Variants in RFTN1 observed in about 807,000 individuals in gnomAD.
RFTN1 encodes the protein raftlin.
A neutral mutation model predicts 46.5 loss-of-function variants in RFTN1; 26 were observed. The observed-to-expected ratio is 0.56, with a 90% CI of 0.41 to 0.78. The LOEUF (loss-of-function observed/expected upper bound fraction) is 0.78, where lower values mean the gene tolerates loss of function less well. Among genes scored for constraint, RFTN1 ranks in the 30% least tolerant of loss-of-function variants. The pLI is 0.00. For synonymous variants in RFTN1, 261 were observed against 284.2 expected (o/e 0.92, Z 0.82); for missense variants, 693 against 718.7 (o/e 0.96, Z 0.41).
In RFTN1 at chr3:16,361,767, A is replaced by G. The variant is rs1005244995; in HGVS notation, c.1031-3720T>C. Among the ~76,000 whole-genome samples, 3 of 152,178 alleles carry G rather than the reference A, an allele frequency of 2.0e-5. No homozygotes were observed. Among genetic ancestry groups the G allele is most frequent in the African/African-American group, 7.2e-5 (3 of 41,426 alleles). Reference sequence around the variant, plus strand: ...ATATTAGCAGGTGTAATGCAAGCAGAGACATAAAAAGCACGTGTGTGGTTG... The same window carrying G: ...ATATTAGCAGGTGTAATGCAAGCAGGGACATAAAAAGCACGTGTGTGGTTG... On this transcript the variant is annotated intron_variant, in intron 6 of 9. Transcript: ENST00000334133. This position sits in a 1 kb window ranked among gnomAD's most constrained non-coding sequence, Gnocchi z 4.3.
intron 4 of RFTN1, among the ~76,000 whole-genome samples, chr3:16,391,882 G>GTTTTTTTTTTTTTTTTTT (rs1295347779): frequency 4.3e-5 from 1 of 23,448 alleles, no homozygotes. Context: ...TTTTTTTTTT[G>GTTTTTTTTTTTTTTTTTT]TTTTTTTTTT....
At position 16,317,064 on chromosome 3, in the gene RFTN1, C is replaced by A. The variant is rs766684268; in HGVS notation, c.1501G>T (p.Glu501Ter). The part of the protein sequence containing the change: ...MGNCVSGQQQ[E>*]GGVSEEMKGP... ...TTCATCTCCTCGGAGACTCCACCCT[C>A]CTGCTGCTGTCCTGAAACACAGTTT... Residue 501 changes from glutamate (E) to a stop codon, truncating the protein, a stop_gained, in exon 10 of 10, where the codon GAG becomes TAG. Coordinates refer to ENST00000334133, the MANE Select transcript of RFTN1 (RefSeq NM_015150.2). LOFTEE classifies it low-confidence loss of function (END_TRUNC). This position sits in a 1 kb window ranked among gnomAD's most constrained non-coding sequence, Gnocchi z 4.3. 1.2e-6 allele frequency: 2 copies of A among 1,613,892 alleles called. No individual in the cohort carries two copies. The highest frequency in any genetic ancestry group is 1.7e-6 in the Non-Finnish European group (2 of 1,179,996).
chr3:16,403,005 G>C (rs1372010642), intron 4 of RFTN1, among the ~76,000 whole-genome samples: 1 of 152,202 alleles, frequency 6.6e-6, no homozygotes, highest in East Asian at 1.9e-4. Context: ...ATCTGGACAA[G>C]GGCAGGGAGC....
chr3:16,422,592 C>T lies in RFTN1; in HGVS notation c.332+11259G>A, dbSNP rs2075207765. ...GTTGCAGTGAGCCGAGATTGTGCCACTGCACTCCAGCCTGGTGACAAAGCG... is the reference window on the plus strand; with the variant it reads ...GTTGCAGTGAGCCGAGATTGTGCCATTGCACTCCAGCCTGGTGACAAAGCG... On this transcript the variant is annotated intron_variant, in intron 3 of 9. Coordinates refer to ENST00000334133, the MANE Select transcript of RFTN1 (RefSeq NM_015150.2). This position sits in a 1 kb window ranked among gnomAD's most constrained non-coding sequence, Gnocchi z 4.6. 6.6e-6 allele frequency among the ~76,000 whole-genome samples: 1 copy of T among 151,760 alleles called. No homozygotes were observed. Among genetic ancestry groups the T allele is most frequent in the African/African-American group, 2.4e-5 (1 of 41,362 alleles).
chr3:16,454,057 G>A (rs1222523350), intron 2 of RFTN1, among the ~76,000 whole-genome samples: 23 of 152,178 alleles, frequency 1.5e-4, no homozygotes, highest in Non-Finnish European at 2.2e-4. Context: ...ACCTCTACAA[G>A]GAGTATGAGC....
rs2072181472 is a variant in RFTN1, at chr3:16,352,689, A to G, written c.1146+5243T>C. Among the ~76,000 whole-genome samples the G allele has an allele frequency of 6.6e-6, 1 of 152,230 alleles. No individual in the cohort carries two copies. Among genetic ancestry groups the G allele is most frequent in the Non-Finnish European group, 1.5e-5 (1 of 68,044 alleles). ...CCAGGTGACTGACACAGAAAGCAGTATGTAGTGAGGGCTTACTATGTGCCC... is the reference window on the plus strand; with the variant it reads ...CCAGGTGACTGACACAGAAAGCAGTGTGTAGTGAGGGCTTACTATGTGCCC... On this transcript the variant is annotated intron_variant, in intron 7 of 9. Coordinates refer to ENST00000334133, the MANE Select transcript of RFTN1 (RefSeq NM_015150.2). This position sits in a 1 kb window ranked among gnomAD's most constrained non-coding sequence, Gnocchi z 4.6.
chr3:16,412,456 C>A (rs1334806302), intron 3 of RFTN1, among the ~76,000 whole-genome samples: 1 of 152,176 alleles, frequency 6.6e-6, no homozygotes. Flanking sequence ...GCCACTAATC[C>A]TATGAAAAAC....
chr3:16,375,526 G>A (rs1291538525), intron 5 of RFTN1, among the ~76,000 whole-genome samples: 1 of 152,024 alleles, frequency 6.6e-6, no homozygotes, highest in African/African-American at 2.4e-5. Context: ...CGTGACCACT[G>A]AAAGGCTTAT....
At chr3:16,497,134 C>A (rs2076638270) in intron 1 of RFTN1, among the ~76,000 whole-genome samples, 1 of 152,164 alleles carries the variant, frequency 6.6e-6, no homozygotes, top group Non-Finnish European at 1.5e-5. Context: ...GTTTCTTGAT[C>A]TGGGTGTCAG....
intron 4 of RFTN1, among the ~76,000 whole-genome samples, chr3:16,408,249 T>A (rs1368358601): frequency 6.6e-6 from 1 of 152,110 alleles, no homozygotes; most frequent in Non-Finnish European, 1.5e-5. Flanking sequence ...CCCGTCATCC[T>A]TCCCATCTCA....
In RFTN1 at chr3:16,421,533, G is replaced by A. The variant is rs1200758814; in HGVS notation, c.333-12050C>T. 6.6e-6 allele frequency among the ~76,000 whole-genome samples: 1 copy of A among 152,002 alleles called. No homozygotes were observed. Among genetic ancestry groups the A allele is most frequent in the Non-Finnish European group, 1.5e-5 (1 of 67,990 alleles). Reference sequence around the variant, plus strand: ...TGCCCAGCTAATTTTTGTATTTTTAGTAGAGACAGGGTTTCACCATGTTGG... The same window carrying A: ...TGCCCAGCTAATTTTTGTATTTTTAATAGAGACAGGGTTTCACCATGTTGG... On this transcript the variant is annotated intron_variant, in intron 3 of 9. Transcript: ENST00000334133. This position sits in a 1 kb window ranked among gnomAD's most constrained non-coding sequence, Gnocchi z 4.6.
chr3:16,391,858 G>GTTTTTTTTTTGTT (rs1407693383), intron 4 of RFTN1, among the ~76,000 whole-genome samples: 8 of 49,118 alleles, frequency 1.6e-4, no homozygotes, highest in African/African-American at 3.6e-4. Context: ...TAGTGCAAAG[G>GTTTTTTTTTTGTT]TTTTTTTTTT....
rs2069799730 is a variant in RFTN1, at chr3:16,327,265, G to A, written c.1147-389C>T. ...TCTGAATGAGTTCAGAGCGTGTTGT[G>A]GGGAGTTAACTTACATTTGACAAAT... On this transcript the variant is annotated intron_variant, in intron 7 of 9. Transcript: ENST00000334133. This position sits in a 1 kb window ranked among gnomAD's most constrained non-coding sequence, Gnocchi z 4.2. Among the ~76,000 whole-genome samples, 1 of 152,144 alleles carries A rather than the reference G, an allele frequency of 6.6e-6. No individual in the cohort carries two copies. The highest frequency in any genetic ancestry group is 2.1e-4 in the South Asian group (1 of 4,810).
In RFTN1 at chr3:16,338,245, C is replaced by CT. The variant is rs2071046871; in HGVS notation, c.1147-11370_1147-11369insA. 1.3e-5 allele frequency among the ~76,000 whole-genome samples: 2 copies of CT among 152,220 alleles called. No individual in the cohort carries two copies. The highest frequency in any genetic ancestry group is 4.1e-4 in the South Asian group (2 of 4,830). On this transcript the variant is annotated intron_variant, in intron 7 of 9. Transcript: ENST00000334133. This position sits in a 1 kb window ranked among gnomAD's most constrained non-coding sequence, Gnocchi z 5.3. ...CCTTATTATCAGGGGTGTCTGCCCA[C>CT]ACACACCTGCATGAGCAGAATGAGA... is the stretch of plus-strand genomic sequence containing the variant.
intron 9 of RFTN1, among the ~76,000 whole-genome samples, chr3:16,319,703 T>C (rs1368043552): frequency 6.6e-6 from 1 of 152,196 alleles, no homozygotes; most frequent in Non-Finnish European, 1.5e-5. Context: ...TCTGCTGATA[T>C]AATACAAAAC....
chr3:16,377,991 C>A lies in RFTN1; in HGVS notation c.553G>T (p.Glu185Ter). 6.2e-7 allele frequency: 1 copy of A among 1,614,246 alleles called. No homozygotes were observed. The highest frequency in any genetic ancestry group is 8.5e-7 in the Non-Finnish European group (1 of 1,180,048). ...SAPVSTANST[E>*]DARDAKNARG... Reference sequence around the variant, plus strand: ...GCGTTTTTTGCATCTCTGGCATCCTCGGTGCTGTTGGCAGTAGACACCGGA... The same window carrying A: ...GCGTTTTTTGCATCTCTGGCATCCTAGGTGCTGTTGGCAGTAGACACCGGA... Residue 185 changes from glutamate (E) to a stop codon, truncating the protein, a stop_gained, in exon 5 of 10, where the codon GAG (glutamate) becomes TAG (stop). Coordinates refer to ENST00000334133, the MANE Select transcript of RFTN1 (RefSeq NM_015150.2). LOFTEE classifies it high-confidence loss of function.
rs1209040113 is a variant in RFTN1 at position 16,512,861 on chromosome 3, C to A, written c.-9+581G>T. 6.6e-6 allele frequency: 1 copy of A among 152,248 alleles called. No homozygotes were observed. The highest frequency in any genetic ancestry group is 1.5e-5 in the Non-Finnish European group (1 of 68,110). The allele number at this position is 152,248 out of a possible 1,614,324, so 9.4% of individuals were successfully genotyped here. On this transcript the variant is annotated intron_variant, in intron 1 of 9. Coordinates refer to ENST00000334133, the MANE Select transcript of RFTN1 (RefSeq NM_015150.2). The surrounding 1 kb of genome is among the most constrained non-coding windows in gnomAD (Gnocchi z 4.3). ...TGTGCTTCTGGTGGTTCCGGCGCTT[C>A]CTCGGAGCGCGCGGCATGTCTGCTC...
rs537421078 is a variant in RFTN1, at chr3:16,322,148, A to G, written c.1332+1228T>C. Among the ~76,000 whole-genome samples the G allele has an allele frequency of 1.9e-3, 292 of 152,302 alleles. No homozygotes were observed. The highest frequency in any genetic ancestry group is 6.8e-3 in the African/African-American group (281 of 41,568). ...ACTGACAGCGCTCTGCAGCCGATCC[A>G]TCTTCCAGCTGGTGGCTGCCTGCTC... On this transcript the variant is annotated intron_variant, in intron 9 of 9. Coordinates refer to ENST00000334133, the MANE Select transcript of RFTN1 (RefSeq NM_015150.2). This position sits in a 1 kb window ranked among gnomAD's most constrained non-coding sequence, Gnocchi z 6.2.
At position 16,479,632 on chromosome 3, in the gene RFTN1, G is replaced by A. The variant is rs1036025240; in HGVS notation, c.145+14093C>T. Among the ~76,000 whole-genome samples, 16 of 152,218 alleles carry A rather than the reference G, an allele frequency of 1.1e-4. No individual in the cohort carries two copies. Among genetic ancestry groups the A allele is most frequent in the Admixed American group, 6.5e-4 (10 of 15,290 alleles). ...GCCATGATGGACTGAAGACCGGTGA[G>A]CCCATGCTCAGGGCATCTTTGATGC... is the stretch of plus-strand genomic sequence containing the variant. On this transcript the variant is annotated intron_variant, in intron 2 of 9. Transcript: ENST00000334133. The surrounding 1 kb of genome is among the most constrained non-coding windows in gnomAD (Gnocchi z 5.1).
Sources: allele counts gnomAD v4.1 joint callset (sites outside exome capture counted in the v4.1 genomes callset), GRCh38; gene constraint gnomAD v4.1.1; non-coding constraint Gnocchi (gnomAD v3.1); transcripts MANE v1.5; gene names NCBI Gene and HGNC (gene_info 2026-07-23, HGNC 2026-07-21).